The following DPP8 variants were observed in gnomAD, a reference collection of about 807,000 sequenced individuals.
DPP8 encodes the protein dipeptidyl peptidase 8.
A neutral mutation model predicts 107.5 loss-of-function variants in DPP8; 31 were observed. The observed-to-expected ratio is 0.29, with a 90% CI of 0.22 to 0.39. The LOEUF (loss-of-function observed/expected upper bound fraction) is 0.39, where lower values mean the gene tolerates loss of function less well. Among genes scored for constraint, DPP8 ranks in the 10% least tolerant of loss-of-function variants. DPP8 has a pLI of 1.00. For missense variants in DPP8, 842 were observed against 1,076.1 expected, an observed-to-expected ratio of 0.78 and a Z score of 3.04; for synonymous variants, 381 against 356.6, an observed-to-expected ratio of 1.07 and a Z score of -0.77.
chr15:65,452,179 A>C, intron 17 of DPP8, 77 bp from the exon 18 acceptor site: 1 of 1,485,872 alleles, frequency 6.7e-7, no homozygotes, highest in Non-Finnish European at 9.0e-7. Context: ...ACAACTGCAA[A>C]TTTACAGTCT....
At chr15:65,501,213 A>G (rs1467367571) in intron 3 of DPP8, among the ~76,000 whole-genome samples, 1 of 151,890 alleles carries the variant, frequency 6.6e-6, no homozygotes, top group Non-Finnish European at 1.5e-5. Context: ...TAATTCACTG[A>G]GCACAGTCTG....
rs1469452013 is a variant in DPP8 at position 65,448,900 on chromosome 15, ATATATAT to A, written c.2527-1901_2527-1895del. Among the ~76,000 whole-genome samples, 7 of 82,604 alleles carry A rather than the reference ATATATAT, an allele frequency of 8.5e-5. 1 individual carries two copies. Among genetic ancestry groups the A allele is most frequent in the African/African-American group, 3.4e-4 (7 of 20,390 alleles). The allele number at this position is 82,604 out of a possible 152,430, so 54.2% of individuals were successfully genotyped here. ...TATATATATATATATATATATATAT[ATATATAT>A]ATATATATATATATATTTAGCCTGG... On this transcript the variant is annotated intron_variant, in intron 19 of 19. Transcript: ENST00000300141.
At chr15:65,489,024 A>G (rs1419197814) in intron 6 of DPP8, among the ~76,000 whole-genome samples, 1 of 152,040 alleles carries the variant, frequency 6.6e-6, no homozygotes, top group Non-Finnish European at 1.5e-5. Context: ...AGAGTGGCGC[A>G]ATCTCAGCTC....
chr15:65,462,470 A>G (rs2065006854), intron 15 of DPP8, among the ~76,000 whole-genome samples: 1 of 152,188 alleles, frequency 6.6e-6, no homozygotes, highest in South Asian at 2.1e-4. Context: ...GAATCTAAGG[A>G]TTGCATTATG....
At chr15:65,476,093 C>A (rs536559431) in intron 11 of DPP8, among the ~76,000 whole-genome samples, 1 of 152,308 alleles carries the variant, frequency 6.6e-6, no homozygotes, top group South Asian at 2.1e-4. Flanking sequence ...GAGGCTCTCT[C>A]AGCGGCCTAA....
At chr15:65,464,804 G>A (rs2065202035) in intron 14 of DPP8, among the ~76,000 whole-genome samples, 1 of 152,178 alleles carries the variant, frequency 6.6e-6, no homozygotes, top group African/African-American at 2.4e-5. Flanking sequence ...AAATGTCTAT[G>A]TGCAGAACTA....
Position 65,517,670 on chromosome 15 carries a change from T to A in DPP8, c.-196A>T, listed in dbSNP as rs951725108. On this transcript the variant is annotated 5_prime_UTR_variant, in exon 1 of 20. Coordinates refer to ENST00000300141, the MANE Select transcript of DPP8 (RefSeq NM_130434.5). Reference sequence around the variant, plus strand: ...GGCGGCAGTAGCAGCGGCCTTGGCCTCGGAGGCTTTAGCACTTCCGGTTCG... The same window carrying A: ...GGCGGCAGTAGCAGCGGCCTTGGCCACGGAGGCTTTAGCACTTCCGGTTCG... 1 of 152,366 alleles carries A rather than the reference T, an allele frequency of 6.6e-6. No homozygotes were observed. The highest frequency in any genetic ancestry group is 1.5e-5 in the Non-Finnish European group (1 of 68,174). The allele number at this position is 152,366 out of a possible 1,614,324, so 9.4% of individuals were successfully genotyped here. A position where few individuals can be genotyped will look rare whatever the true frequency, so the allele number is the denominator to read the frequency against.
chr15:65,462,121 A>C (rs1304302836), intron 15 of DPP8, among the ~76,000 whole-genome samples: 1 of 151,728 alleles, frequency 6.6e-6, no homozygotes, highest in Non-Finnish European at 1.5e-5. Context: ...GGTGTCTGCC[A>C]CTGCGCCCGA....
At chr15:65,449,521 T>G (rs1437089339) in intron 19 of DPP8, among the ~76,000 whole-genome samples, 2 of 151,980 alleles carry the variant, frequency 1.3e-5, no homozygotes, top group Non-Finnish European at 2.9e-5. Context: ...GCAATTCTCA[T>G]GCCTCAGCTT....
Position 65,512,278 on chromosome 15 carries a change from T to C in DPP8, c.259+17A>G, listed in dbSNP as rs1195337311. ...TAAGAGATCATTTTCTCTCAGAAAC[T>C]ACAACTTCGTACTCACCAAGGTAAT... On this transcript the variant is annotated intron_variant, in intron 2 of 19. Transcript: ENST00000300141. 5 of 1,585,936 alleles carry C rather than the reference T, an allele frequency of 3.2e-6. No individual in the cohort carries two copies. Among genetic ancestry groups the C allele is most frequent in the Non-Finnish European group, 4.3e-6 (5 of 1,166,908 alleles).
intron 11 of DPP8, among the ~76,000 whole-genome samples, chr15:65,476,688 T>G (rs1304726812): frequency 6.6e-6 from 1 of 152,154 alleles, no homozygotes; most frequent in African/African-American, 2.4e-5. Context: ...ATTCCACTTT[T>G]GAGTACATAC....
chr15:65,451,046 T>C lies in DPP8; in HGVS notation c.2479A>G (p.Ile827Val), dbSNP rs2063936883. The change falls in exon 19 of 20, where the codon ATA becomes GTA. Residue 827 changes from isoleucine (I) to valine (V), a missense_variant. Around this residue, in one of 2 missense-constraint regions of DPP8, gnomAD observed 179 missense variants for 318.0 expected, o/e 0.56. Transcript: ENST00000300141. Reference protein sequence around the residue: ...DENVHFAHTSILLSFLVRAGK... With the variant: ...DENVHFAHTSVLLSFLVRAGK... ...GCCCTCACTAAAAAACTCAGTAATA[T>C]ACTGGTATGTGCAAAATGGACATTC... The C allele has an allele frequency of 6.8e-6, 11 of 1,612,658 alleles. No individual in the cohort carries two copies. Among genetic ancestry groups the C allele is most frequent in the African/African-American group, 1.3e-5 (1 of 74,908 alleles).
chr15:65,467,280 C>A lies in DPP8; in HGVS notation c.1537-57G>T, dbSNP rs1278105554. 10 of 1,568,648 alleles carry A rather than the reference C, an allele frequency of 6.4e-6. No individual in the cohort carries two copies. In the Admixed American group the frequency reaches 8.6e-5, roughly 14 times the overall value. ...GCTAACATGACCTTGGCAAAGCTAA[C>A]CCCCAATTTTATTTACAATCACTTG... On this transcript the variant is annotated intron_variant, in intron 12 of 19. Coordinates refer to ENST00000300141, the MANE Select transcript of DPP8 (RefSeq NM_130434.5).
chr15:65,466,100 A>C (rs1355482019), intron 14 of DPP8, among the ~76,000 whole-genome samples: 2 of 152,166 alleles, frequency 1.3e-5, no homozygotes, highest in African/African-American at 4.8e-5. Context: ...AAATTTGTGA[A>C]TAAATTGTTT....
At chr15:65,499,085 G>GTATT (rs1358781099) in intron 4 of DPP8, among the ~76,000 whole-genome samples, 1,245 of 115,318 alleles carry the variant, frequency 0.011, 21 homozygotes, top group African/African-American at 0.039. Flanking sequence ...GTGTGTGTGT[G>GTATT]TGTGTGTGTG....
At chr15:65,455,989 C>A (rs957731992) in intron 16 of DPP8, 1 of 862,422 alleles carries the variant, frequency 1.2e-6, no homozygotes. Flanking sequence ...AGTGGACATA[C>A]AAAACAGAGA....
At chr15:65,508,314 A>C (rs1270816180) in intron 2 of DPP8, among the ~76,000 whole-genome samples, 3 of 152,188 alleles carry the variant, frequency 2.0e-5, no homozygotes, top group African/African-American at 7.2e-5. Context: ...ACTAATATTA[A>C]AACAATACAG....
At chr15:65,505,333 C>T (rs557252503) in intron 3 of DPP8, among the ~76,000 whole-genome samples, 6 of 139,524 alleles carry the variant, frequency 4.3e-5, no homozygotes, top group Admixed American at 1.5e-4. Flanking sequence ...CCAGCCTGGG[C>T]GATAGAGTGA....
In DPP8 at chr15:65,499,070, A is replaced by AGTGTGTGTGTGTGT. The variant is rs56047613; in HGVS notation, c.547-1052_547-1039dup. ...GACTTTGTCTCCCCCCCAAAAAAAA[A>AGTGTGTGTGTGTGT]GTGTGTGTGTGTGTGTGTGTGTGTG... On this transcript the variant is annotated intron_variant, in intron 4 of 19. Coordinates refer to ENST00000300141, the MANE Select transcript of DPP8 (RefSeq NM_130434.5). 3.3e-4 allele frequency among the ~76,000 whole-genome samples: 43 copies of AGTGTGTGTGTGTGT among 129,760 alleles called. 1 individual carries two copies. Among genetic ancestry groups the AGTGTGTGTGTGTGT allele is most frequent in the African/African-American group, 1.0e-3 (33 of 32,158 alleles). 85.1% of individuals were successfully genotyped at this position (129,760 alleles called of 152,430 possible).
Sources: allele counts gnomAD v4.1 joint callset (sites outside exome capture counted in the v4.1 genomes callset), GRCh38; gene constraint gnomAD v4.1.1; regional missense constraint gnomAD v4.1.1; transcripts MANE v1.5; gene names NCBI Gene and HGNC (gene_info 2026-07-23, HGNC 2026-07-21).